The following PTPRH variants were observed in gnomAD, a reference collection of about 807,000 sequenced individuals.
PTPRH encodes protein tyrosine phosphatase receptor type H, also known as receptor-type tyrosine-protein phosphatase H.
In PTPRH, 113 loss-of-function variants were observed where a neutral mutation model predicts 130.2. That is an observed-to-expected ratio of 0.87 (90% CI 0.75 to 1.01). The LOEUF is 1.01. PTPRH is among the 50% of genes least tolerant of loss of function. The probability of loss-of-function intolerance (pLI) is 0.00; values close to 1 mark genes in which losing one functional copy is unlikely to be tolerated. For missense variants in PTPRH, 1,430 were observed against 1,425.0 expected, an observed-to-expected ratio of 1.00 and a Z score of -0.06; for synonymous variants, 556 against 577.9, an observed-to-expected ratio of 0.96 and a Z score of 0.54.
At chr19:55,202,764 C>T (rs960099566) in intron 5 of PTPRH, among the ~76,000 whole-genome samples, 24 of 152,072 alleles carry the variant, frequency 1.6e-4, no homozygotes, top group Non-Finnish European at 2.9e-4. Context: ...ATCTGCCAGG[C>T]GCAGTGGCTC....
chr19:55,187,326 CAG>C (rs1466300403), intron 14 of PTPRH, among the ~76,000 whole-genome samples, 185 bp downstream of exon 14: 4 of 94,010 alleles, frequency 4.3e-5, no homozygotes, highest in Non-Finnish European at 5.5e-5. Context: ...GCCTGGGTGA[CAG>C]AGCGAGACTC....
At chr19:55,204,724 T>C (rs1020844345) in intron 4 of PTPRH, among the ~76,000 whole-genome samples, 3 of 152,138 alleles carry the variant, frequency 2.0e-5, no homozygotes, top group African/African-American at 7.2e-5. Flanking sequence ...ACTGAGCTTC[T>C]GCAACGATGG....
intron 14 of PTPRH, among the ~76,000 whole-genome samples, 174 bp downstream of exon 14, chr19:55,187,339 C>T (rs368480385): frequency 0.017 from 1,495 of 86,746 alleles, 66 homozygotes; most frequent in African/African-American, 0.086. Context: ...AGCGAGACTC[C>T]GTCTCAAAAA....
Position 55,198,914 on chromosome 19 carries a change from T to C in PTPRH, c.1421-2A>G, listed in dbSNP as rs752343655. ...TGAGGCTTGTCACTGCGTTGGGGACTGGGAGAGGGAGCAGAGTCAGGATTT... is the reference window on the plus strand; with the variant it reads ...TGAGGCTTGTCACTGCGTTGGGGACCGGGAGAGGGAGCAGAGTCAGGATTT... On this transcript the variant is annotated splice_acceptor_variant, in intron 7 of 19. Coordinates refer to ENST00000376350, the MANE Select transcript of PTPRH (RefSeq NM_002842.5). LOFTEE classifies it high-confidence loss of function. The C allele has an allele frequency of 1.3e-6, 2 of 1,506,324 alleles. No individual in the cohort carries two copies. Among genetic ancestry groups the C allele is most frequent in the African/African-American group, 1.4e-5 (1 of 71,684 alleles). The allele number at this position is 1,506,324 out of a possible 1,614,324, so 93.3% of individuals were successfully genotyped here. A position where few individuals can be genotyped will look rare whatever the true frequency, so the allele number is the denominator to read the frequency against.
rs552957263 is a variant in PTPRH at position 55,206,594 on chromosome 19, C to G, written c.352+95G>C. Reference sequence around the variant, plus strand: ...GTGTGGCTTCCACTGTGTTTCTATCCAACTAAAGAACCTGTCGCATTTTGT... The same window carrying G: ...GTGTGGCTTCCACTGTGTTTCTATCGAACTAAAGAACCTGTCGCATTTTGT... On this transcript the variant is annotated intron_variant, in intron 3 of 19. Coordinates refer to ENST00000376350, the MANE Select transcript of PTPRH (RefSeq NM_002842.5). 4,268 of 1,294,020 alleles carry G rather than the reference C, an allele frequency of 3.3e-3. 94 individuals are homozygous for G. In the African/African-American group the frequency reaches 0.051, roughly 16 times the overall value. The allele number at this position is 1,294,020 out of a possible 1,614,324, so 80.2% of individuals were successfully genotyped here. A position where few individuals can be genotyped will look rare whatever the true frequency, so the allele number is the denominator to read the frequency against.
In PTPRH at chr19:55,181,843, G is replaced by T. The variant is rs745952831; in HGVS notation, c.3259C>A (p.Pro1087Thr). The part of the protein sequence containing the change: ...LRFLQQSAQA[P>T]AEKEVPYEDV... ...TCATACGGGACTTCCTTCTCGGCTG[G>T]GGCCTGGGCTGACTGTTGGAGGAAC... The change falls in exon 20 of 20, where the codon CCA becomes ACA. Residue 1087 changes from proline (P) to threonine (T), a missense_variant. Pro to Thr is a conservative substitution (Grantham distance 38). Coordinates refer to ENST00000376350, the MANE Select transcript of PTPRH (RefSeq NM_002842.5). 4 of 1,614,214 alleles carry T rather than the reference G, an allele frequency of 2.5e-6. No homozygotes were observed. Among genetic ancestry groups the T allele is most frequent in the Non-Finnish European group, 3.4e-6 (4 of 1,180,042 alleles).
At position 55,206,987 on chromosome 19, in the gene PTPRH, G is replaced by C. The variant is rs370322465; in HGVS notation, c.86-32C>G. On this transcript the variant is annotated intron_variant, in intron 2 of 19. Coordinates refer to ENST00000376350, the MANE Select transcript of PTPRH (RefSeq NM_002842.5). The stretch of plus-strand genomic sequence containing the variant: ...ATTGGGAAGGAAGGTCTGACAAAAA[G>C]GGAACCAGGTCAGTACAATCCCTCC... 40 of 1,568,970 alleles carry C rather than the reference G, an allele frequency of 2.5e-5. No individual in the cohort carries two copies. The African/African-American group carries it at 5.4e-4, about 21-fold the overall frequency.
In PTPRH at chr19:55,181,815, T is replaced by C. The variant is rs765979692; in HGVS notation, c.3287A>G (p.Asp1096Gly). 6.2e-7 allele frequency: 1 copy of C among 1,614,174 alleles called. No individual in the cohort carries two copies. Among genetic ancestry groups the C allele is most frequent in the South Asian group, 1.1e-5 (1 of 91,074 alleles). The change falls in exon 20 of 20, where the codon GAT (aspartate) becomes GGT (glycine). Residue 1096 changes from aspartate to glycine, a missense_variant. Transcript: ENST00000376350. ...APAEKEVPYE[D>G]VENLIYENVA... is the part of the protein sequence containing the mutation. ...GTTCTCGTAGATGAGGTTTTCGACA[T>C]CCTCATACGGGACTTCCTTCTCGGC...
chr19:55,207,116 G>A, intron 2 of PTPRH, 50 bp downstream of exon 2: 1 of 1,609,222 alleles, frequency 6.2e-7, no homozygotes, highest in Non-Finnish European at 8.5e-7. Flanking sequence ...CACGGCAGTT[G>A]CGGTCCCACC....
At chr19:55,203,348 G>T (rs1270461866) in intron 5 of PTPRH, among the ~76,000 whole-genome samples, 5 of 134,442 alleles carry the variant, frequency 3.7e-5, no homozygotes, top group East Asian at 2.2e-4. Flanking sequence ...AAAAAAAATT[G>T]TATCTGATGG....
intron 5 of PTPRH, among the ~76,000 whole-genome samples, chr19:55,203,076 C>G (rs1231763002): frequency 2.0e-5 from 3 of 151,386 alleles, no homozygotes; most frequent in Non-Finnish European, 2.9e-5. Flanking sequence ...CGCCTGTAAT[C>G]CCAGCACTTT....
Position 55,196,791 on chromosome 19 carries a change from G to A in PTPRH, c.1991-3C>T, listed in dbSNP as rs761943268. 6.2e-7 allele frequency: 1 copy of A among 1,610,010 alleles called. No individual in the cohort carries two copies. Among genetic ancestry groups the A allele is most frequent in the Admixed American group, 1.7e-5 (1 of 59,910 alleles). ...AGTGATGGTGACTGTGTCTGGGTCTGGGTGAAGGAAGCAAGAGGTCAGCAG... is the reference window on the plus strand; with the variant it reads ...AGTGATGGTGACTGTGTCTGGGTCTAGGTGAAGGAAGCAAGAGGTCAGCAG... On this transcript the variant is annotated splice_polypyrimidine_tract_variant and splice_region_variant and intron_variant, in intron 9 of 19. Coordinates refer to ENST00000376350, the MANE Select transcript of PTPRH (RefSeq NM_002842.5).
intron 5 of PTPRH, among the ~76,000 whole-genome samples, chr19:55,203,313 G>C (rs1230488885): frequency 2.9e-5 from 4 of 135,956 alleles, no homozygotes; most frequent in South Asian, 4.7e-4. Context: ...GGCGACAGAG[G>C]GAGACTCTGT....
At position 55,198,878 on chromosome 19, in the gene PTPRH, G is replaced by C; in HGVS notation, c.1455C>G (p.Asp485Glu). 1.3e-6 allele frequency: 2 copies of C among 1,535,234 alleles called. No homozygotes were observed. The highest frequency in any genetic ancestry group is 2.6e-5 in the South Asian group (2 of 78,106). The change falls in exon 8 of 20, where the codon GAC (aspartate) becomes GAG (glutamate). Residue 485 changes from aspartate (D) to glutamate (E), a missense_variant. By Grantham distance (45) the Asp-to-Glu change is conservative. Transcript: ENST00000376350. ...PNAVTSLSKQ[D>E]WTNSTIALRW... Reference sequence around the variant, plus strand: ...GCAAAGCAATGGTGCTGTTGGTCCAGTCCTGCTTGCTGAGGCTTGTCACTG... The same window carrying C: ...GCAAAGCAATGGTGCTGTTGGTCCACTCCTGCTTGCTGAGGCTTGTCACTG...
Position 55,200,374 on chromosome 19 carries a change from C to T in PTPRH, c.1282G>A (p.Gly428Ser), listed in dbSNP as rs1229749195. Residue 428 changes from glycine to serine, a missense_variant, in exon 7 of 20, where the codon GGT becomes AGT. Transcript: ENST00000376350. ...GTTGTGTTTCGGGTCTCTGTGCCAC[C>T]ACCGTCTCCAGTGTACTCTACCCAG... Reference protein sequence around the residue: ...TYWVEYTGDGGGTETRNTTNT... With the variant: ...TYWVEYTGDGSGTETRNTTNT... 3.1e-6 allele frequency: 5 copies of T among 1,614,184 alleles called. No individual in the cohort carries two copies. The highest frequency in any genetic ancestry group is 4.2e-6 in the Non-Finnish European group (5 of 1,180,048).
rs1187784835 is a variant in PTPRH, at chr19:55,196,783, C to G, written c.1996G>C (p.Asp666His). 1.2e-6 allele frequency: 2 copies of G among 1,611,390 alleles called. No individual in the cohort carries two copies. The highest frequency in any genetic ancestry group is 2.2e-5 in the East Asian group (1 of 44,762). ...TQSLCASTYP[D>H]TVTITSCVST... is the part of the protein sequence containing the mutation. ...ACACAGGAAGTGATGGTGACTGTGT[C>G]TGGGTCTGGGTGAAGGAAGCAAGAG... Residue 666 changes from aspartate (D) to histidine (H), a missense_variant, in exon 10 of 20, where the codon GAC becomes CAC. Transcript: ENST00000376350.
At position 55,197,478 on chromosome 19, in the gene PTPRH, C is replaced by G. The variant is rs78691555; in HGVS notation, c.1691-62G>C. The G allele has an allele frequency of 2.1e-3, 3,011 of 1,462,422 alleles. 44 individuals carry two copies. The African/African-American group carries it at 0.037, about 18-fold the overall frequency. 90.6% of individuals were successfully genotyped at this position (1,462,422 alleles called of 1,614,324 possible). A position where few individuals can be genotyped will look rare whatever the true frequency, so the allele number is the denominator to read the frequency against. On this transcript the variant is annotated intron_variant, in intron 8 of 19. Coordinates refer to ENST00000376350, the MANE Select transcript of PTPRH (RefSeq NM_002842.5). ...CGAAGACCCTCCTACCCCAGCCTGT[C>G]TGCCTCTCCCCCACAGCAAAGCTGA...
In PTPRH at chr19:55,190,623, A is replaced by G. The variant is rs1389286863; in HGVS notation, c.2384+878T>C. ...ATATTATATATTATATATATTATAA[A>G]TTATATATATATATAATTTTTTTTT... is the stretch of plus-strand genomic sequence containing the variant. On this transcript the variant is annotated intron_variant, in intron 12 of 19. Coordinates refer to ENST00000376350, the MANE Select transcript of PTPRH (RefSeq NM_002842.5). 2.2e-5 allele frequency among the ~76,000 whole-genome samples: 3 copies of G among 138,852 alleles called. 1 individual carries two copies. The Admixed American group carries it at 2.4e-4, about 11-fold the overall frequency. The allele number at this position is 138,852 out of a possible 152,430, so 91.1% of individuals were successfully genotyped here.
chr19:55,198,079 T>C (rs1214880570), intron 8 of PTPRH, among the ~76,000 whole-genome samples: 1 of 152,130 alleles, frequency 6.6e-6, no homozygotes. Flanking sequence ...GAGCTGGGCA[T>C]GGTGGCGCAT....
Sources: allele counts gnomAD v4.1 joint callset (sites outside exome capture counted in the v4.1 genomes callset), GRCh38; gene constraint gnomAD v4.1.1; transcripts MANE v1.5; gene names NCBI Gene and HGNC (gene_info 2026-07-23, HGNC 2026-07-21).